Variants in ARHGAP6 observed in about 807,000 individuals in gnomAD.
ARHGAP6 encodes the protein Rho GTPase activating protein 6.
In ARHGAP6, 16 loss-of-function variants were observed where a neutral mutation model predicts 55.7. The ratio of observed to expected loss-of-function variants is 0.29; its 90% CI spans 0.19 to 0.44. The LOEUF (loss-of-function observed/expected upper bound fraction) is 0.44. ARHGAP6 is among the 20% of genes least tolerant of loss of function. The pLI is 1.00. For missense variants in ARHGAP6, 698 were observed against 808.9 expected, an observed-to-expected ratio of 0.86 and a Z score of 1.66; for synonymous variants, 382 against 360.9, an observed-to-expected ratio of 1.06 and a Z score of -0.66.
intron 1 of ARHGAP6, among the ~76,000 whole-genome samples, chrX:11,264,338 A>T (rs1162698716): frequency 1.8e-5 from 2 of 112,133 alleles, no homozygotes. Context: ...GATAAACTAA[A>T]GAAGTAGAAA....
At chrX:11,284,880 T>G (rs1403337200) in intron 1 of ARHGAP6, among the ~76,000 whole-genome samples, 1 of 111,609 alleles carries the variant, frequency 9.0e-6, no homozygotes, top group African/African-American at 3.3e-5. Flanking sequence ...CCTCCAATTG[T>G]GACAACCAAA....
rs977674462 is a variant in ARHGAP6 at position 11,429,759 on chromosome X, C to T, written c.589-175052G>A. ...GCTCGAAAAATGACACACTAAAGTT[C>T]CCTCTTTACTCTCACTCTGTTCTGC... is the stretch of plus-strand genomic sequence containing the variant. On this transcript the variant is annotated intron_variant, in intron 1 of 12. Transcript: ENST00000337414. 2.7e-5 allele frequency among the ~76,000 whole-genome samples: 3 copies of T among 111,836 alleles called. No homozygotes were observed. In the Admixed American group the frequency reaches 2.8e-4, roughly 11 times the overall value.
intron 1 of ARHGAP6, chrX:11,298,991 C>G: frequency 1.7e-6 from 2 of 1,205,325 alleles, no homozygotes; most frequent in South Asian, 3.6e-5. Context: ...TATTTTGAAG[C>G]CACTACAATG....
intron 3 of ARHGAP6, among the ~76,000 whole-genome samples, chrX:11,190,460 GATATAT>G (rs535056484): frequency 3.9e-5 from 3 of 76,963 alleles, no homozygotes; most frequent in South Asian, 6.3e-4. Context: ...ACCCTGAGGA[GATATAT>G]ATATATATAT....
intron 1 of ARHGAP6, among the ~76,000 whole-genome samples, chrX:11,280,949 C>G (rs2047847546): frequency 9.0e-6 from 1 of 110,802 alleles, no homozygotes; most frequent in Admixed American, 9.7e-5. Context: ...CATATGTTCA[C>G]CAAAATATGT....
chrX:11,215,428 A>AGGGACAGGCTGTACAGGCC (rs2046867633), intron 2 of ARHGAP6, among the ~76,000 whole-genome samples: 3 of 113,174 alleles, frequency 2.7e-5, no homozygotes, highest in Non-Finnish European at 5.6e-5. Flanking sequence ...GGCCAGCCCC[A>AGGGACAGGCTGTACAGGCC]GGGACAGGCT....
At chrX:11,363,368 T>C (rs1363089660) in intron 1 of ARHGAP6, among the ~76,000 whole-genome samples, 2 of 112,433 alleles carry the variant, frequency 1.8e-5, no homozygotes, top group Non-Finnish European at 3.8e-5. Context: ...GACTCCCCAC[T>C]GCCTGGTTCA....
At chrX:11,205,566 G>C (rs1246076247) in intron 2 of ARHGAP6, among the ~76,000 whole-genome samples, 1 of 111,755 alleles carries the variant, frequency 8.9e-6, no homozygotes, top group African/African-American at 3.3e-5. Flanking sequence ...ATCTCTTATA[G>C]TTCTACAAAA....
chrX:11,219,027 TCCCTCCC>T (rs1484397831), intron 2 of ARHGAP6, among the ~76,000 whole-genome samples: 4 of 75,380 alleles, frequency 5.3e-5, no homozygotes, highest in African/African-American at 2.0e-4. Context: ...CCCATTGCTA[TCCCTCCC>T]CCCTCCCCCC....
At chrX:11,392,887 A>G (rs1024097409) in intron 1 of ARHGAP6, among the ~76,000 whole-genome samples, 3 of 111,865 alleles carry the variant, frequency 2.7e-5, no homozygotes, top group Non-Finnish European at 3.8e-5. Flanking sequence ...CAGTATCTAA[A>G]ATGGGAAATA....
At chrX:11,515,656 T>A (rs1315677496) in intron 1 of ARHGAP6, among the ~76,000 whole-genome samples, 1 of 112,392 alleles carries the variant, frequency 8.9e-6, no homozygotes, top group African/African-American at 3.2e-5. Flanking sequence ...CTAAAACATA[T>A]TTTTTATTAA....
chrX:11,208,129 T>C (rs1259613576), intron 2 of ARHGAP6, among the ~76,000 whole-genome samples: 1 of 111,551 alleles, frequency 9.0e-6, no homozygotes, highest in African/African-American at 3.3e-5. Flanking sequence ...ATAAAAAATA[T>C]TGCGATATCA....
intron 2 of ARHGAP6, among the ~76,000 whole-genome samples, chrX:11,246,680 G>A (rs1022478791): frequency 9.0e-6 from 1 of 111,610 alleles, no homozygotes; most frequent in African/African-American, 3.3e-5. Flanking sequence ...GGTACAATCA[G>A]CTCCACAGTT....
At chrX:11,531,562 T>C (rs2051049407) in intron 1 of ARHGAP6, among the ~76,000 whole-genome samples, 1 of 110,267 alleles carries the variant, frequency 9.1e-6, no homozygotes, top group African/African-American at 3.3e-5. Flanking sequence ...AACTTTTCTT[T>C]CATGTTTGTC....
chrX:11,556,976 C>G (rs1267026394), intron 1 of ARHGAP6, among the ~76,000 whole-genome samples: 1 of 111,716 alleles, frequency 9.0e-6, no homozygotes, highest in East Asian at 2.8e-4. Context: ...TCTTCCCCTA[C>G]CACAACAATC....
chrX:11,214,304 T>C (rs756153392), intron 2 of ARHGAP6, among the ~76,000 whole-genome samples: 23 of 109,522 alleles, frequency 2.1e-4, no homozygotes, highest in Non-Finnish European at 4.0e-4. Flanking sequence ...TGCACATACA[T>C]ATATATATTT....
chrX:11,209,606 A>AAATAGATCTAT (rs1362425678), intron 2 of ARHGAP6, among the ~76,000 whole-genome samples: 1 of 112,782 alleles, frequency 8.9e-6, no homozygotes, highest in Admixed American at 9.4e-5. Flanking sequence ...TAATGTGAAA[A>AAATAGATCTAT]AATAGATCTA....
intron 1 of ARHGAP6, among the ~76,000 whole-genome samples, chrX:11,611,649 A>G (rs1299597633): frequency 8.9e-6 from 1 of 112,031 alleles, no homozygotes; most frequent in Non-Finnish European, 1.9e-5. Context: ...GGAAGCGCAC[A>G]ATGAATTTTT....
intron 1 of ARHGAP6, among the ~76,000 whole-genome samples, chrX:11,358,625 A>T (rs2048968718): frequency 1.8e-5 from 2 of 109,955 alleles, no homozygotes; most frequent in African/African-American, 6.6e-5. Context: ...GATTACAGGC[A>T]TACGCCACCA....
Sources: gnomAD v4.1 joint callset for allele counts (sites outside exome capture counted in the v4.1 genomes callset) on GRCh38, gnomAD v4.1.1 for gene constraint, MANE v1.5 for transcripts, NCBI Gene and HGNC (gene_info 2026-07-23, HGNC 2026-07-21) for gene names.